The following NAV3 variants were observed in gnomAD, a reference collection of about 807,000 sequenced individuals.
NAV3 encodes pore membrane and/or filament interacting like protein 1.
A neutral mutation model predicts 244.7 loss-of-function variants in NAV3; 87 were observed. That is an observed-to-expected ratio of 0.36 (90% CI 0.30 to 0.42). The LOEUF (loss-of-function observed/expected upper bound fraction) is 0.42. NAV3 is among the 20% of genes least tolerant of loss of function. The pLI is 1.00. For missense variants in NAV3, 2,663 were observed against 2,893.3 expected (o/e 0.92, Z 1.83); for synonymous variants, 1,126 against 1,042.2 (o/e 1.08, Z -1.55).
intron 2 of NAV3, among the ~76,000 whole-genome samples, chr12:77,800,604 CAAGTTTACTGTTTA>C (rs1871656101): frequency 6.6e-6 from 1 of 152,084 alleles, no homozygotes; most frequent in Non-Finnish European, 1.5e-5. Flanking sequence ...CTATAGTTTA[CAAGTTTACTGTTTA>C]AAGTTTACTG....
chr12:77,668,611 TA>T (rs1212216856), intron 2 of NAV3, among the ~76,000 whole-genome samples: 2 of 151,954 alleles, frequency 1.3e-5, no homozygotes. Context: ...AGAATAATAA[TA>T]AAAGATGAGT....
intron 1 of NAV3, among the ~76,000 whole-genome samples, chr12:77,930,609 A>C (rs769463072): frequency 1.3e-5 from 2 of 152,204 alleles, no homozygotes; most frequent in Admixed American, 1.3e-4. Context: ...GATCTGTTAC[A>C]TAGCAGTTAC....
At chr12:78,050,222 G>T in intron 10 of NAV3, 121 bp downstream of exon 10, 1 of 720,312 alleles carries the variant, frequency 1.4e-6, no homozygotes, top group Non-Finnish European at 2.4e-6. Context: ...TTTCTCCCTT[G>T]TTTTATATCA....
At chr12:78,008,096 T>C (rs1874557096) in intron 8 of NAV3, among the ~76,000 whole-genome samples, 1 of 152,232 alleles carries the variant, frequency 6.6e-6, no homozygotes. Flanking sequence ...TCAAATGTTA[T>C]TTATAAGATA....
intron 3 of NAV3, among the ~76,000 whole-genome samples, chr12:77,954,170 C>T (rs1317930740): frequency 6.6e-5 from 10 of 152,144 alleles, no homozygotes; most frequent in Admixed American, 6.6e-4. Context: ...AACTTGTGAA[C>T]TTATGAAATG....
intron 5 of NAV3, among the ~76,000 whole-genome samples, chr12:77,969,453 C>T (rs1174227097): frequency 6.6e-6 from 1 of 152,052 alleles, no homozygotes; most frequent in Non-Finnish European, 1.5e-5. Context: ...TGAAGGGCAG[C>T]CCAGCTGGAA....
chr12:77,891,472 A>G (rs1475813620), intron 1 of NAV3, among the ~76,000 whole-genome samples: 1 of 152,126 alleles, frequency 6.6e-6, no homozygotes, highest in African/African-American at 2.4e-5. Flanking sequence ...TCTTCTGCAG[A>G]TAAATATATG....
chr12:77,893,336 C>T (rs979139018), intron 1 of NAV3, among the ~76,000 whole-genome samples: 3 of 152,066 alleles, frequency 2.0e-5, no homozygotes, highest in African/African-American at 7.2e-5. Flanking sequence ...AAGTCAGTAA[C>T]AGTAACTGAC....
chr12:77,603,830 C>T (rs1037533319), intron 2 of NAV3, among the ~76,000 whole-genome samples: 3 of 151,890 alleles, frequency 2.0e-5, no homozygotes, highest in Non-Finnish European at 2.9e-5. Flanking sequence ...GGAAAGAAGC[C>T]GGTACAAAGG....
chr12:77,761,198 C>T (rs1592656796), intron 2 of NAV3, among the ~76,000 whole-genome samples: 1 of 151,924 alleles, frequency 6.6e-6, no homozygotes, highest in Non-Finnish European at 1.5e-5. Flanking sequence ...AGCTGGGATT[C>T]CAGGTGCCCA....
At chr12:77,974,459 T>TA (rs1208253663) in intron 5 of NAV3, among the ~76,000 whole-genome samples, 23 of 143,744 alleles carry the variant, frequency 1.6e-4, no homozygotes, top group African/African-American at 5.4e-4. Flanking sequence ...TTATTATTAT[T>TA]TTTTTTTTTT....
chr12:77,634,336 G>A (rs891060181), intron 2 of NAV3, among the ~76,000 whole-genome samples: 1 of 152,060 alleles, frequency 6.6e-6, no homozygotes, highest in Non-Finnish European at 1.5e-5. Context: ...TATGATTTAA[G>A]CAGTTCATCT....
intron 1 of NAV3, among the ~76,000 whole-genome samples, chr12:77,871,365 T>G (rs1372370680): frequency 1.3e-5 from 2 of 152,148 alleles, no homozygotes; most frequent in African/African-American, 4.8e-5. Flanking sequence ...GGTAGACACG[T>G]GCCATAATTA....
At chr12:77,948,984 A>G (rs896197996) in intron 3 of NAV3, among the ~76,000 whole-genome samples, 3 of 152,014 alleles carry the variant, frequency 2.0e-5, no homozygotes, top group Non-Finnish European at 4.4e-5. Flanking sequence ...TGTAGTAGAT[A>G]TGCCAAAGCT....
At chr12:77,993,992 C>T (rs77347415) in intron 5 of NAV3, among the ~76,000 whole-genome samples, 188 of 110,810 alleles carry the variant, frequency 1.7e-3, no homozygotes, top group African/African-American at 5.8e-3. Context: ...TCTTAGGTAA[C>T]GCAGAGATCA....
rs536219870 is a variant in NAV3, at chr12:78,187,048, A to G, written c.5791-1200A>G. On this transcript the variant is annotated intron_variant, in intron 31 of 39. Coordinates refer to ENST00000397909, the MANE Select transcript of NAV3 (RefSeq NM_001024383.2). ...AAAGACCTCATCTCCTAATACCATC[A>G]ATTTGGAAGTTAGGGCTTCGATGTA... Among the ~76,000 whole-genome samples, 9 of 152,024 alleles carry G rather than the reference A, an allele frequency of 5.9e-5. No homozygotes were observed. The South Asian group carries it at 1.9e-3, about 32-fold the overall frequency.
intron 1 of NAV3, among the ~76,000 whole-genome samples, chr12:77,892,429 T>A (rs1884047144): frequency 6.6e-6 from 1 of 152,136 alleles, no homozygotes; most frequent in South Asian, 2.1e-4. Flanking sequence ...TTTTTTTTTT[T>A]TTTTTAGACA....
At chr12:78,185,756 T>G in intron 31 of NAV3, 58 bp downstream of exon 31, 1 of 1,406,316 alleles carries the variant, frequency 7.1e-7, no homozygotes, top group Non-Finnish European at 9.9e-7. Flanking sequence ...ATGAGTCAAG[T>G]GTATTTTATG....
At chr12:77,813,357 C>T (rs1262784047) in intron 2 of NAV3, among the ~76,000 whole-genome samples, 3 of 152,076 alleles carry the variant, frequency 2.0e-5, no homozygotes, top group Non-Finnish European at 4.4e-5. Flanking sequence ...TCTGCCTTTC[C>T]AGGTTGTTGG....
Sources: gnomAD v4.1 joint callset for allele counts (sites outside exome capture counted in the v4.1 genomes callset) on GRCh38, gnomAD v4.1.1 for gene constraint, MANE v1.5 for transcripts, NCBI Gene and HGNC (gene_info 2026-07-23, HGNC 2026-07-21) for gene names.